The following AK7 variants were observed in gnomAD, a reference collection of about 807,000 sequenced individuals.
The protein encoded by AK7 is ATP-AMP transphosphorylase 7.
Under a neutral mutation model 96.6 loss-of-function variants are expected in AK7, and 78 were observed. The observed-to-expected ratio is 0.81, with a 90% CI of 0.67 to 0.97. The LOEUF (loss-of-function observed/expected upper bound fraction) is 0.97, where lower values mean the gene tolerates loss of function less well. Among genes scored for constraint, AK7 ranks in the 50% least tolerant of loss-of-function variants. The pLI, the probability that AK7 is intolerant of heterozygous loss-of-function variation, is 0.00. For synonymous variants in AK7, 302 were observed against 317.2 expected (o/e 0.95, Z 0.51); for missense variants, 855 against 887.9 (o/e 0.96, Z 0.47).
At chr14:96,432,866 C>T (rs1388926684) in intron 5 of AK7, among the ~76,000 whole-genome samples, 1 of 150,060 alleles carries the variant, frequency 6.7e-6, no homozygotes, top group African/African-American at 2.4e-5. Flanking sequence ...TGTTGGCAGG[C>T]GCCTGTAGTC....
At chr14:96,466,258 C>CA (rs1894561825) in intron 12 of AK7, among the ~76,000 whole-genome samples, 1 of 150,460 alleles carries the variant, frequency 6.6e-6, no homozygotes, top group African/African-American at 2.4e-5. Context: ...TTTTTTGAGA[C>CA]AGAGTCCTCG....
At position 96,451,527 on chromosome 14, in the gene AK7, T is replaced by G; in HGVS notation, c.1055T>G (p.Ile352Ser). ...GCCCAAACAGGATTTGTGGAAAATA[T>G]CAACACTATCCTCAAGGAGTACAAG... Reference protein sequence around the residue: ...WAAQTGFVENINTILKEYKQS... With the variant: ...WAAQTGFVENSNTILKEYKQS... Residue 352 changes from isoleucine to serine, a missense_variant, in exon 10 of 18, where the codon ATC becomes AGC. Ile to Ser is a moderately radical substitution (Grantham distance 142, BLOSUM62 -2). Coordinates refer to ENST00000267584, the MANE Select transcript of AK7 (RefSeq NM_152327.5). 1 of 1,597,596 alleles carries G rather than the reference T, an allele frequency of 6.3e-7. No individual in the cohort carries two copies. The highest frequency in any genetic ancestry group is 8.5e-7 in the Non-Finnish European group (1 of 1,170,836).
intron 5 of AK7, among the ~76,000 whole-genome samples, chr14:96,436,611 C>G (rs10132084): frequency 6.6e-6 from 1 of 152,180 alleles, no homozygotes; most frequent in Non-Finnish European, 1.5e-5. Flanking sequence ...TGCCACTGCA[C>G]TCCAGCCTGG....
intron 12 of AK7, 93 bp from the exon 13 acceptor site, chr14:96,471,385 A>C: frequency 1.5e-6 from 1 of 667,322 alleles, no homozygotes; most frequent in Non-Finnish European, 2.2e-6. Flanking sequence ...AGTACCTTTG[A>C]CTACACAACA....
At chr14:96,432,950 C>T (rs1471652901) in intron 5 of AK7, among the ~76,000 whole-genome samples, 6 of 152,186 alleles carry the variant, frequency 3.9e-5, no homozygotes, top group East Asian at 1.9e-4. Context: ...GCTGAGATCA[C>T]GCCACTGCAC....
chr14:96,418,161 CA>C (rs1891451990), intron 4 of AK7, among the ~76,000 whole-genome samples: 2 of 129,028 alleles, frequency 1.6e-5, no homozygotes, highest in Admixed American at 1.6e-4. Flanking sequence ...TGCCTTTACA[CA>C]AAACAATTTT....
chr14:96,470,777 A>C (rs558309623), intron 12 of AK7, among the ~76,000 whole-genome samples: 1 of 152,306 alleles, frequency 6.6e-6, no homozygotes, highest in African/African-American at 2.4e-5. Flanking sequence ...CATGAATGCT[A>C]TCTCACAATT....
intron 3 of AK7, among the ~76,000 whole-genome samples, chr14:96,407,651 G>A (rs1442632114): frequency 1.4e-5 from 2 of 145,276 alleles, no homozygotes; most frequent in African/African-American, 2.6e-5. Flanking sequence ...GCGCAATCTC[G>A]GCTCACTGCA....
intron 5 of AK7, among the ~76,000 whole-genome samples, chr14:96,437,248 A>G (rs758146983): frequency 1.3e-5 from 2 of 151,002 alleles, no homozygotes; most frequent in Non-Finnish European, 3.0e-5. Context: ...AAATGCTTGA[A>G]GGGATGGATA....
intron 1 of AK7, among the ~76,000 whole-genome samples, chr14:96,394,626 A>G (rs1165447239): frequency 6.6e-6 from 1 of 152,196 alleles, no homozygotes; most frequent in Non-Finnish European, 1.5e-5. Flanking sequence ...TTTATCCTCT[A>G]AATTCAGTGG....
chr14:96,428,252 T>C lies in AK7; in HGVS notation c.609+7320T>C, dbSNP rs12587413. On this transcript the variant is annotated intron_variant, in intron 5 of 17. Coordinates refer to ENST00000267584, the MANE Select transcript of AK7 (RefSeq NM_152327.5). ...CCTTGCAATAGTTTGCTCAGAATGA[T>C]GGTTTCCAGCTTCATCCATGTCCCT... 0.013 allele frequency among the ~76,000 whole-genome samples: 2,038 copies of C among 151,358 alleles called. 184 individuals are homozygous for C. The East Asian group carries it at 0.24, about 18-fold the overall frequency.
At chr14:96,420,490 C>T (rs1363069732) in intron 4 of AK7, among the ~76,000 whole-genome samples, 1 of 151,626 alleles carries the variant, frequency 6.6e-6, no homozygotes, top group Non-Finnish European at 1.5e-5. Context: ...ATGCTACTAT[C>T]ATCATCGACA....
chr14:96,392,151 C>A lies in AK7; in HGVS notation c.-4C>A. 1 of 1,611,748 alleles carries A rather than the reference C, an allele frequency of 6.2e-7. No homozygotes were observed. Among genetic ancestry groups the A allele is most frequent in the Non-Finnish European group, 8.5e-7 (1 of 1,177,950 alleles). On this transcript the variant is annotated 5_prime_UTR_variant, in exon 1 of 18. Coordinates refer to ENST00000267584, the MANE Select transcript of AK7 (RefSeq NM_152327.5). ...TCACCTTAGCAACCAGCGCGGCTCC[C>A]ACCATGGCTGAAGAAGAGGAAACTG...
chr14:96,442,586 C>A, intron 6 of AK7, 144 bp from the exon 7 acceptor site: 1 of 721,584 alleles, frequency 1.4e-6, no homozygotes. Context: ...CTCATCAGGG[C>A]TGATTTATAA....
In AK7 at chr14:96,449,847, A is replaced by C; in HGVS notation, c.916A>C (p.Arg306=). ...TGPGKIQKIP[R]ENAYLTKDLT... ...CCCTGGGAAAATCCAGAAAATACCCAGAGAAAATGCATACCTAACCAAGGA... is the reference window on the plus strand; with the variant it reads ...CCCTGGGAAAATCCAGAAAATACCCCGAGAAAATGCATACCTAACCAAGGA... Residue 306 remains arginine, a synonymous_variant, in exon 9 of 18, where the codon AGA becomes CGA. Transcript: ENST00000267584. 6.2e-7 allele frequency: 1 copy of C among 1,611,378 alleles called. No homozygotes were observed.
intron 12 of AK7, among the ~76,000 whole-genome samples, chr14:96,468,672 G>A (rs1482686362): frequency 6.6e-6 from 1 of 151,990 alleles, no homozygotes; most frequent in Non-Finnish European, 1.5e-5. Context: ...TCCTGGGGAT[G>A]AGGGGACAGA....
chr14:96,470,630 A>G (rs1894831251), intron 12 of AK7, among the ~76,000 whole-genome samples: 1 of 152,182 alleles, frequency 6.6e-6, no homozygotes, highest in Non-Finnish European at 1.5e-5. Flanking sequence ...AGAAATGCCA[A>G]CTGGAAAAGA....
intron 7 of AK7, among the ~76,000 whole-genome samples, chr14:96,445,347 C>T (rs886546517): frequency 6.6e-6 from 1 of 152,126 alleles, no homozygotes; most frequent in African/African-American, 2.4e-5. Context: ...AAGCAAAAAG[C>T]TGAAATGTTC....
Position 96,472,716 on chromosome 14 carries a change from A to G in AK7, c.1516A>G (p.Arg506Gly). The G allele has an allele frequency of 6.2e-7, 1 of 1,613,188 alleles. No individual in the cohort carries two copies. The highest frequency in any genetic ancestry group is 8.5e-7 in the Non-Finnish European group (1 of 1,179,182). ...QEDEEEEDDVRGRMFPFDKLI... is the reference protein window; with the variant it reads ...QEDEEEEDDVGGRMFPFDKLI... ...AGATGAGGAGGAGGAAGATGATGTC[A>G]GAGGCAGAATGTTTCCCTTTGATAA... Residue 506 changes from arginine (R) to glycine (G), a missense_variant, in exon 14 of 18, where the codon AGA becomes GGA. Transcript: ENST00000267584.
Sources: gnomAD v4.1 joint callset for allele counts (sites outside exome capture counted in the v4.1 genomes callset) on GRCh38, gnomAD v4.1.1 for gene constraint, MANE v1.5 for transcripts, NCBI Gene and HGNC (gene_info 2026-07-23, HGNC 2026-07-21) for gene names.